Variants in OPRM1 observed in about 807,000 individuals in gnomAD.
OPRM1 encodes the protein mu-type opioid receptor.
Under a neutral mutation model 31.8 loss-of-function variants are expected in OPRM1, and 27 were observed. The observed-to-expected ratio is 0.85, with a 90% CI of 0.63 to 1.17. The LOEUF (loss-of-function observed/expected upper bound fraction) is 1.17, where lower values mean the gene tolerates loss of function less well. OPRM1 is among the 50% of genes most tolerant of loss of function. OPRM1 has a pLI of 0.00. For synonymous variants in OPRM1, 196 were observed against 189.9 expected (o/e 1.03, Z -0.26); for missense variants, 536 against 511.1 (o/e 1.05, Z -0.47).
chr6:154,114,053 G>T (rs1796610688), intron 3 of OPRM1, among the ~76,000 whole-genome samples: 1 of 152,088 alleles, frequency 6.6e-6, no homozygotes, highest in African/African-American at 2.4e-5. Flanking sequence ...GCAACAGCCT[G>T]CTACACTGAC....
At chr6:154,208,264 A>C (rs1423025744) in intron 3 of OPRM1, among the ~76,000 whole-genome samples, 1 of 152,168 alleles carries the variant, frequency 6.6e-6, no homozygotes, top group East Asian at 1.9e-4. Flanking sequence ...GGCTCCTTGC[A>C]GTACCACACA....
chr6:154,091,519 A>G (rs1792216708), intron 3 of OPRM1, 47 bp downstream of exon 3: 2 of 1,555,538 alleles, frequency 1.3e-6, no homozygotes, highest in African/African-American at 2.7e-5. Context: ...ATGACATAAA[A>G]ATTATAAGGC....
At chr6:154,239,872 T>G (rs1042604534) in intron 3 of OPRM1, among the ~76,000 whole-genome samples, 27 of 152,158 alleles carry the variant, frequency 1.8e-4, no homozygotes, top group African/African-American at 6.0e-4. Flanking sequence ...TTGGCTAATT[T>G]TTATATTTTT....
At chr6:154,085,331 C>T (rs1212546432) in intron 1 of OPRM1, among the ~76,000 whole-genome samples, 1 of 152,142 alleles carries the variant, frequency 6.6e-6, no homozygotes, top group East Asian at 1.9e-4. Flanking sequence ...CTGGAAGTTC[C>T]ATAAAAATCA....
intron 3 of OPRM1, among the ~76,000 whole-genome samples, chr6:154,218,591 A>C (rs1778604335): frequency 6.6e-6 from 1 of 152,234 alleles, no homozygotes; most frequent in Non-Finnish European, 1.5e-5. Context: ...AACCGGCTGC[A>C]TCAGTAAGAA....
At chr6:154,173,540 G>C (rs753983752) in intron 3 of OPRM1, among the ~76,000 whole-genome samples, 1 of 152,176 alleles carries the variant, frequency 6.6e-6, no homozygotes, top group Non-Finnish European at 1.5e-5. Flanking sequence ...AGCTTCAACA[G>C]CCGATTCAAT....
chr6:154,114,285 C>T (rs1562485435), intron 3 of OPRM1, among the ~76,000 whole-genome samples: 1 of 152,222 alleles, frequency 6.6e-6, no homozygotes, highest in Non-Finnish European at 1.5e-5. Flanking sequence ...TAGTCCACAT[C>T]ATTTTGGAGA....
At position 154,123,842 on chromosome 6, in the gene OPRM1, T is replaced by G. The variant is rs1797434960; in HGVS notation, c.*5121T>G. Among the ~76,000 whole-genome samples, 1 of 152,194 alleles carries G rather than the reference T, an allele frequency of 6.6e-6. No homozygotes were observed. The highest frequency in any genetic ancestry group is 2.1e-4 in the South Asian group (1 of 4,826). On this transcript the variant is annotated 3_prime_UTR_variant, in exon 4 of 4. Coordinates refer to ENST00000330432, the MANE Select transcript of OPRM1 (RefSeq NM_000914.5). Reference sequence around the variant, plus strand: ...TAGTGAGGACAACCAGAGGTAACTTTCATTGCCATCTTGGTTTTAGTGGGG... The same window carrying G: ...TAGTGAGGACAACCAGAGGTAACTTGCATTGCCATCTTGGTTTTAGTGGGG...
intron 1 of OPRM1, among the ~76,000 whole-genome samples, chr6:154,030,243 G>A (rs1778933036): frequency 6.6e-6 from 1 of 152,166 alleles, no homozygotes; most frequent in Non-Finnish European, 1.5e-5. Flanking sequence ...ATACGTTTAT[G>A]AAGAAGGGTA....
downstream of OPRM1, among the ~76,000 whole-genome samples, chr6:154,135,182 C>T (rs1471511726): frequency 2.0e-5 from 3 of 152,202 alleles, no homozygotes; most frequent in Non-Finnish European, 2.9e-5. Context: ...AGAATATTGA[C>T]ATTCGGCCAA....
intron 1 of OPRM1, among the ~76,000 whole-genome samples, chr6:154,021,658 G>T (rs1017865543): frequency 1.3e-5 from 2 of 152,024 alleles, no homozygotes; most frequent in Non-Finnish European, 2.9e-5. Context: ...CCCTCATAAA[G>T]GTCTTATATA....
intron 3 of OPRM1, among the ~76,000 whole-genome samples, chr6:154,145,011 CA>C (rs1231493233): frequency 1.3e-5 from 2 of 151,728 alleles, no homozygotes; most frequent in African/African-American, 4.8e-5. Flanking sequence ...ATATATATAC[CA>C]AAAAACTACA....
chr6:154,223,179 T>C, intron 3 of OPRM1: 3 of 1,613,580 alleles, frequency 1.9e-6, no homozygotes, highest in Non-Finnish European at 2.5e-6. Context: ...CTGCTTTTTC[T>C]TGCATTCAGA....
intron 3 of OPRM1, among the ~76,000 whole-genome samples, chr6:154,162,698 G>T (rs901570096): frequency 1.6e-5 from 2 of 122,778 alleles, no homozygotes; most frequent in African/African-American, 3.0e-5. Context: ...CCTGTTCTCT[G>T]CTCTATCTAT....
chr6:154,081,328 C>A lies in OPRM1; in HGVS notation c.291-8498C>A, dbSNP rs542746154. Among the ~76,000 whole-genome samples the A allele has an allele frequency of 5.9e-5, 9 of 152,268 alleles. 1 individual carries two copies. In the South Asian group the frequency reaches 1.9e-3, roughly 32 times the overall value. On this transcript the variant is annotated intron_variant, in intron 1 of 3. Coordinates refer to ENST00000330432, the MANE Select transcript of OPRM1 (RefSeq NM_000914.5). ...ACCATCCTTGCTAACACAGGGAAAC[C>A]CCGTCTCTACTAAAAATACAGAAAA...
chr6:154,224,219 T>G (rs745773567), intron 3 of OPRM1, among the ~76,000 whole-genome samples: 10 of 152,244 alleles, frequency 6.6e-5, no homozygotes, highest in Non-Finnish European at 1.5e-4. Flanking sequence ...CAGCTAGCTA[T>G]TAAGTTAGTG....
At position 154,128,312 on chromosome 6, in the gene OPRM1, T is replaced by G. The variant is rs1445050967; in HGVS notation, c.*9591T>G. 6.6e-6 allele frequency among the ~76,000 whole-genome samples: 1 copy of G among 152,216 alleles called. No homozygotes were observed. Among genetic ancestry groups the G allele is most frequent in the Non-Finnish European group, 1.5e-5 (1 of 68,038 alleles). ...GTGGAGTTAATTCTGACTACGGGAT[T>G]CCTTTTTCACTTTTATAATGAACTC... is the stretch of plus-strand genomic sequence containing the variant. On this transcript the variant is annotated 3_prime_UTR_variant, in exon 4 of 4. Coordinates refer to ENST00000330432, the MANE Select transcript of OPRM1 (RefSeq NM_000914.5).
intron 1 of OPRM1, among the ~76,000 whole-genome samples, chr6:154,028,670 G>A (rs995269258): frequency 6.6e-6 from 1 of 152,152 alleles, no homozygotes; most frequent in Non-Finnish European, 1.5e-5. Context: ...GCTAGGGCTG[G>A]GTTAAATGCT....
intron 3 of OPRM1, among the ~76,000 whole-genome samples, chr6:154,102,079 A>T (rs371835046): frequency 3.3e-5 from 5 of 152,060 alleles, no homozygotes; most frequent in Non-Finnish European, 4.4e-5. Context: ...AGCTAAAACT[A>T]TGGGCACACA....
Sources: gnomAD v4.1 joint callset for allele counts (sites outside exome capture counted in the v4.1 genomes callset) on GRCh38, gnomAD v4.1.1 for gene constraint, MANE v1.5 for transcripts, NCBI Gene and HGNC (gene_info 2026-07-23, HGNC 2026-07-21) for gene names.